AFG1L: variants seen among roughly 807,000 people sequenced by gnomAD.
The protein encoded by AFG1L is AFG1-like ATPase.
Under a neutral mutation model 62.2 loss-of-function variants are expected in AFG1L, and 53 were observed. The ratio of observed to expected loss-of-function variants is 0.85; its 90% CI spans 0.68 to 1.07. The LOEUF is 1.07. Ranked by LOEUF, AFG1L falls within the 50% of genes least tolerant of loss-of-function variation. The pLI is 0.00. For missense variants in AFG1L, 555 were observed against 590.5 expected, an observed-to-expected ratio of 0.94 and a Z score of 0.62; for synonymous variants, 228 against 210.3, an observed-to-expected ratio of 1.08 and a Z score of -0.73.
chr6:108,326,064 A>G (rs1408194017), intron 2 of AFG1L, among the ~76,000 whole-genome samples: 3 of 152,078 alleles, frequency 2.0e-5, no homozygotes, highest in African/African-American at 7.2e-5. Flanking sequence ...GACATGAGCC[A>G]CTGTGCCTGG....
intron 10 of AFG1L, among the ~76,000 whole-genome samples, chr6:108,491,181 G>T (rs1773766643): frequency 6.6e-6 from 1 of 152,100 alleles, no homozygotes; most frequent in South Asian, 2.1e-4. Context: ...CTGAAAGACA[G>T]AAAAGTTAAT....
chr6:108,339,129 T>C (rs1283422157), intron 2 of AFG1L, among the ~76,000 whole-genome samples: 1 of 152,092 alleles, frequency 6.6e-6, no homozygotes, highest in Non-Finnish European at 1.5e-5. Flanking sequence ...TTATAAAAGC[T>C]CTTTGTTTAT....
chr6:108,415,354 AATTT>A (rs1770198596), intron 7 of AFG1L, among the ~76,000 whole-genome samples: 2 of 109,226 alleles, frequency 1.8e-5, no homozygotes, highest in Admixed American at 1.7e-4. Flanking sequence ...TGCCCAAGGT[AATTT>A]ATAGATTCAA....
At chr6:108,356,958 G>A (rs1779316259) in intron 5 of AFG1L, 138 bp downstream of exon 5, 2 of 729,626 alleles carry the variant, frequency 2.7e-6, no homozygotes, top group Admixed American at 3.1e-5. Context: ...TTACTATCTA[G>A]TTCAGGAGCT....
intron 6 of AFG1L, among the ~76,000 whole-genome samples, chr6:108,388,428 G>A (rs1208060911): frequency 3.3e-5 from 5 of 151,836 alleles, no homozygotes; most frequent in Admixed American, 1.3e-4. Flanking sequence ...GCTTTTGAAT[G>A]TGTTTGCTCT....
intron 3 of AFG1L, 36 bp downstream of exon 3, chr6:108,347,075 C>G: frequency 6.5e-7 from 1 of 1,528,592 alleles, no homozygotes; most frequent in Non-Finnish European, 9.1e-7. Flanking sequence ...GTGGGCAAAA[C>G]AGAAAGTTTC....
chr6:108,434,486 A>G (rs752429636), intron 7 of AFG1L, among the ~76,000 whole-genome samples: 6 of 152,190 alleles, frequency 3.9e-5, no homozygotes, highest in Non-Finnish European at 8.8e-5. Flanking sequence ...AAAGCAATCA[A>G]GCTCTGTTGA....
At chr6:108,368,135 T>G (rs751363533) in intron 6 of AFG1L, among the ~76,000 whole-genome samples, 1 of 152,164 alleles carries the variant, frequency 6.6e-6, no homozygotes. Context: ...ATTTTATTGA[T>G]TTTTATTGAA....
At chr6:108,320,371 G>A (rs1315751924) in intron 1 of AFG1L, among the ~76,000 whole-genome samples, 1 of 152,080 alleles carries the variant, frequency 6.6e-6, no homozygotes, top group Admixed American at 6.6e-5. Context: ...TAAAAATTTC[G>A]GGTCAACAGA....
intron 2 of AFG1L, among the ~76,000 whole-genome samples, chr6:108,328,006 A>G (rs1778121131): frequency 6.6e-6 from 1 of 152,248 alleles, no homozygotes; most frequent in Non-Finnish European, 1.5e-5. Context: ...ATGAGTGACC[A>G]GTCCAGCACA....
In AFG1L at chr6:108,443,244, A is replaced by G. The variant is rs893411165; in HGVS notation, c.808-3970A>G. Among the ~76,000 whole-genome samples, 8 of 146,982 alleles carry G rather than the reference A, an allele frequency of 5.4e-5. No homozygotes were observed. The Admixed American group carries it at 5.5e-4, about 10-fold the overall frequency. ...AACACCTCTGTCTTCATGTCATCTCAGTGCCTCTCCAGGGCCTCCTCTCTC... is the reference window on the plus strand; with the variant it reads ...AACACCTCTGTCTTCATGTCATCTCGGTGCCTCTCCAGGGCCTCCTCTCTC... On this transcript the variant is annotated intron_variant, in intron 7 of 12. Coordinates refer to ENST00000368977, the MANE Select transcript of AFG1L (RefSeq NM_145315.5).
intron 1 of AFG1L, among the ~76,000 whole-genome samples, chr6:108,320,555 T>A (rs1256609280): frequency 6.6e-6 from 1 of 152,130 alleles, no homozygotes. Flanking sequence ...CTCAGTGACA[T>A]GTATTAAGAT....
At chr6:108,325,181 A>G (rs1035238635) in intron 2 of AFG1L, among the ~76,000 whole-genome samples, 9 of 152,226 alleles carry the variant, frequency 5.9e-5, no homozygotes, top group African/African-American at 1.9e-4. Context: ...GGGGACTTAT[A>G]TCAAGTTCTC....
chr6:108,490,312 A>G (rs1356545032), intron 10 of AFG1L, among the ~76,000 whole-genome samples: 3 of 152,252 alleles, frequency 2.0e-5, no homozygotes, highest in Non-Finnish European at 2.9e-5. Flanking sequence ...GTGAGCCGAA[A>G]TCACGCCAGT....
chr6:108,295,348 G>A, intron 1 of AFG1L, 130 bp downstream of exon 1: 1 of 1,045,914 alleles, frequency 9.6e-7, no homozygotes, highest in South Asian at 1.6e-5. Context: ...CTCGAGAGGA[G>A]TTTCCATTTC....
intron 11 of AFG1L, among the ~76,000 whole-genome samples, chr6:108,512,409 T>G (rs1482480530): frequency 1.3e-5 from 2 of 152,092 alleles, no homozygotes. Flanking sequence ...GGCAGAAGGC[T>G]GAGGACACAG....
intron 11 of AFG1L, among the ~76,000 whole-genome samples, chr6:108,517,080 AG>A (rs1774925230): frequency 6.6e-6 from 1 of 152,220 alleles, no homozygotes; most frequent in African/African-American, 2.4e-5. Flanking sequence ...ATACTGCCCA[AG>A]GTAATTTATA....
At chr6:108,491,492 T>A (rs1420574753) in intron 10 of AFG1L, among the ~76,000 whole-genome samples, 1 of 152,204 alleles carries the variant, frequency 6.6e-6, no homozygotes, top group Non-Finnish European at 1.5e-5. Context: ...AATGAAACTA[T>A]GCTATAAGGG....
chr6:108,352,937 A>T (rs1424473977), intron 3 of AFG1L, among the ~76,000 whole-genome samples: 1 of 152,094 alleles, frequency 6.6e-6, no homozygotes, highest in Non-Finnish European at 1.5e-5. Flanking sequence ...TAGAAACTAG[A>T]TACAGAGGGC....
Sources: gnomAD v4.1 joint callset for allele counts (sites outside exome capture counted in the v4.1 genomes callset) on GRCh38, gnomAD v4.1.1 for gene constraint, MANE v1.5 for transcripts, NCBI Gene and HGNC (gene_info 2026-07-23, HGNC 2026-07-21) for gene names.